The following TRAK1 variants were observed in gnomAD, a reference collection of about 807,000 sequenced individuals.
TRAK1 encodes the protein trafficking kinesin protein 1.
Under a neutral mutation model 92.1 loss-of-function variants are expected in TRAK1, and 33 were observed. The observed-to-expected ratio is 0.36, with a 90% CI of 0.27 to 0.48. The LOEUF (loss-of-function observed/expected upper bound fraction) is 0.48. Among genes scored for constraint, TRAK1 ranks in the 20% least tolerant of loss-of-function variants. The pLI is 0.99. For synonymous variants in TRAK1, 521 were observed against 517.3 expected (o/e 1.01, Z -0.10); for missense variants, 1,123 against 1,257.9 (o/e 0.89, Z 1.62).
intron 2 of TRAK1, among the ~76,000 whole-genome samples, chr3:42,141,118 TG>T (rs1430809206): frequency 6.6e-6 from 1 of 152,244 alleles, no homozygotes; most frequent in African/African-American, 2.4e-5. Flanking sequence ...ATTGCTCAAT[TG>T]TTAGTGTTCA....
intron 2 of TRAK1, among the ~76,000 whole-genome samples, chr3:42,167,880 C>G (rs185118965): frequency 1.3e-5 from 2 of 152,302 alleles, no homozygotes; most frequent in East Asian, 1.9e-4. Context: ...CACTCCATCT[C>G]AAAAACAACA....
intron 1 of TRAK1, among the ~76,000 whole-genome samples, chr3:42,015,657 C>CT: frequency 6.6e-6 from 1 of 152,116 alleles, no homozygotes; most frequent in Non-Finnish European, 1.5e-5. Flanking sequence ...ATTTGGTAAG[C>CT]TTTTTGAGCC....
At chr3:42,076,825 G>T (rs947424722) in intron 1 of TRAK1, among the ~76,000 whole-genome samples, 1 of 152,116 alleles carries the variant, frequency 6.6e-6, no homozygotes, top group Non-Finnish European at 1.5e-5. Flanking sequence ...GAAGGAAGGG[G>T]TCTAGTTCCA....
chr3:42,168,402 T>C (rs1353279029), intron 2 of TRAK1, among the ~76,000 whole-genome samples: 3 of 152,226 alleles, frequency 2.0e-5, no homozygotes, highest in African/African-American at 7.2e-5. Flanking sequence ...TGTCATTTAT[T>C]TGGTAACTTA....
intron 1 of TRAK1, among the ~76,000 whole-genome samples, chr3:42,075,569 T>G (rs1704119919): frequency 6.6e-6 from 1 of 152,236 alleles, no homozygotes; most frequent in Admixed American, 6.5e-5. Context: ...TCCAGACTGC[T>G]TTCCACTGAG....
intron 1 of TRAK1, among the ~76,000 whole-genome samples, chr3:42,024,216 A>T (rs1701835544): frequency 6.6e-6 from 1 of 152,156 alleles, no homozygotes. Context: ...AGAGATTGGG[A>T]GAAGACCAGA....
At chr3:42,048,212 T>C (rs1239673919) in intron 1 of TRAK1, among the ~76,000 whole-genome samples, 1 of 152,162 alleles carries the variant, frequency 6.6e-6, no homozygotes, top group Admixed American at 6.5e-5. Context: ...ACATTTTATC[T>C]ACTGAGAGAT....
upstream of TRAK1, among the ~76,000 whole-genome samples, chr3:42,013,383 G>A (rs1164625120): frequency 6.6e-6 from 1 of 152,124 alleles, no homozygotes; most frequent in African/African-American, 2.4e-5. This position sits in a 1 kb window ranked among gnomAD's most constrained non-coding sequence, Gnocchi z 5.1. Context: ...ATAAGCGCTC[G>A]GGGAGGGATG....
chr3:42,085,928 A>G (rs902251778), upstream of TRAK1, among the ~76,000 whole-genome samples: 1 of 152,252 alleles, frequency 6.6e-6, no homozygotes, highest in African/African-American at 2.4e-5. Context: ...ATTCCACTGT[A>G]CATCCATGAA....
intron 1 of TRAK1, among the ~76,000 whole-genome samples, chr3:42,107,599 G>T (rs560982022): frequency 5.9e-5 from 9 of 152,204 alleles, no homozygotes; most frequent in Admixed American, 2.6e-4. Flanking sequence ...AACCCAAGAG[G>T]TTGGAGGGAG....
chr3:42,139,972 C>T (rs79876747), intron 2 of TRAK1, among the ~76,000 whole-genome samples: 4,486 of 152,238 alleles, frequency 0.029, 233 homozygotes, highest in African/African-American at 0.1. Context: ...ATTTCCCATA[C>T]AGCCTCCCAG....
At chr3:42,144,105 C>T (rs551148853) in intron 2 of TRAK1, among the ~76,000 whole-genome samples, 1 of 152,170 alleles carries the variant, frequency 6.6e-6, no homozygotes, top group South Asian at 2.1e-4. Flanking sequence ...TCGCTCCCTA[C>T]CTCACCCCAC....
chr3:42,014,218 C>T (rs950599662), intron 1 of TRAK1: 308 of 152,430 alleles, frequency 2.0e-3, no homozygotes, highest in Non-Finnish European at 3.5e-3. Context: ...ATAGTGGCGG[C>T]GTGAGAGGCC....
chr3:42,195,307 A>G (rs1156856395), intron 10 of TRAK1, among the ~76,000 whole-genome samples: 1 of 152,254 alleles, frequency 6.6e-6, no homozygotes. Flanking sequence ...GACATGATGC[A>G]TTGTAGACAT....
At chr3:42,054,852 A>G (rs528180226) in intron 1 of TRAK1, among the ~76,000 whole-genome samples, 27 of 149,474 alleles carry the variant, frequency 1.8e-4, no homozygotes, top group African/African-American at 6.2e-4. Context: ...GTATGCCCAA[A>G]GCTGTAGACT....
At chr3:42,149,183 G>C in intron 2 of TRAK1, 1 of 1,047,544 alleles carries the variant, frequency 9.5e-7, no homozygotes, top group Non-Finnish European at 1.1e-6. Context: ...GGTGGTGTGT[G>C]TCTCTGACGT....
chr3:42,203,547 A>G, intron 13 of TRAK1: 1 of 964,216 alleles, frequency 1.0e-6, no homozygotes, highest in East Asian at 1.2e-4. Context: ...TTTTCCCTCT[A>G]CCTGCTGCTA....
intron 1 of TRAK1, among the ~76,000 whole-genome samples, chr3:42,122,087 G>A (rs1709959067): frequency 6.6e-6 from 1 of 152,086 alleles, no homozygotes; most frequent in African/African-American, 2.4e-5. Flanking sequence ...CAAAGTGCTG[G>A]GATTACAGGT....
chr3:42,090,121 G>A (rs1576288592), upstream of TRAK1, among the ~76,000 whole-genome samples: 3 of 152,254 alleles, frequency 2.0e-5, no homozygotes, highest in Non-Finnish European at 4.4e-5. Flanking sequence ...GCTGTACACC[G>A]AGGTTAGCAC....
Sources: allele counts gnomAD v4.1 joint callset (sites outside exome capture counted in the v4.1 genomes callset), GRCh38; gene constraint gnomAD v4.1.1; non-coding constraint Gnocchi (gnomAD v3.1); transcripts MANE v1.5; gene names NCBI Gene and HGNC (gene_info 2026-07-23, HGNC 2026-07-21).